The following BFSP2 variants were observed in gnomAD, a reference collection of about 807,000 sequenced individuals.
BFSP2 encodes the protein beaded filament structural protein 2.
In BFSP2, 38 loss-of-function variants were observed where a neutral mutation model predicts 44.9. The observed-to-expected ratio is 0.85, with a 90% CI of 0.65 to 1.11. The LOEUF is 1.11. BFSP2 is among the 50% of genes least tolerant of loss of function. BFSP2 has a pLI of 0.00. For missense variants in BFSP2, 525 were observed against 533.0 expected, an observed-to-expected ratio of 0.99 and a Z score of 0.15; for synonymous variants, 197 against 209.9, an observed-to-expected ratio of 0.94 and a Z score of 0.53.
intron 1 of BFSP2, chr3:133,410,991 T>G (rs1389062520): frequency 6.6e-6 from 1 of 152,268 alleles, no homozygotes; most frequent in Non-Finnish European, 1.5e-5. Context: ...TGTGAGCCAC[T>G]TCCAAGTGAA....
At chr3:133,449,519 TG>T (rs1389864565) in intron 3 of BFSP2, among the ~76,000 whole-genome samples, 10 of 151,988 alleles carry the variant, frequency 6.6e-5, no homozygotes, top group African/African-American at 2.4e-4. Context: ...TTTGTTTGTT[TG>T]TTTGTTTGTT....
In BFSP2 at chr3:133,400,297, C is replaced by T. The variant is rs2073351199; in HGVS notation, c.214C>T (p.Arg72Cys). 22 of 1,613,884 alleles carry T rather than the reference C, an allele frequency of 1.4e-5. No homozygotes were observed. Among genetic ancestry groups the T allele is most frequent in the South Asian group, 2.2e-5 (2 of 91,082 alleles). ...TGGGTGCATAGGTGGCTTGGGTGCC[C>T]GTGTGACCCGCCGGGCCCTCGGCAT... ...PSGCIGGLGA[R>C]VTRRALGISS... The change falls in exon 1 of 7, where the codon CGT (arginine) becomes TGT (cysteine). Residue 72 changes from arginine (R) to cysteine (C), a missense_variant. Coordinates refer to ENST00000302334, the MANE Select transcript of BFSP2 (RefSeq NM_003571.4). The surrounding 1 kb of genome is among the most constrained non-coding windows in gnomAD (Gnocchi z 4.0).
intron 5 of BFSP2, among the ~76,000 whole-genome samples, chr3:133,467,197 C>G (rs1003343348): frequency 6.6e-6 from 1 of 152,206 alleles, no homozygotes; most frequent in African/African-American, 2.4e-5. Flanking sequence ...TAAATGTTGA[C>G]TGTTAACATC....
Position 133,400,520 on chromosome 3 carries a change from G to T in BFSP2, c.437G>T (p.Arg146Leu), listed in dbSNP as rs148759360. 245 of 1,613,640 alleles carry T rather than the reference G, an allele frequency of 1.5e-4. No individual in the cohort carries two copies. The highest frequency in any genetic ancestry group is 2.0e-4 in the Non-Finnish European group (233 of 1,179,952). Residue 146 changes from arginine (R) to leucine (L), a missense_variant, in exon 1 of 7, where the codon CGC (arginine) becomes CTC (leucine). Physicochemically the swap from Arg to Leu is moderately radical, Grantham distance 102 (BLOSUM62 -2). Transcript: ENST00000302334. This position sits in a 1 kb window ranked among gnomAD's most constrained non-coding sequence, Gnocchi z 4.0. ...ATGCACCTGGAGAGCAAAGCCACAC[G>T]CTCGGGAAACTGGGGTGCCCTACGG... ...LRMHLESKAT[R>L]SGNWGALRAS...
Position 133,451,110 on chromosome 3 carries a change from C to CAAA in BFSP2, c.891+663_891+665dup, listed in dbSNP as rs55964213. ...TGGGCAACAGAGCAAGACTCTGTCTCAAAAAAAAAAAAAAAAAAAGAATAT... is the reference window on the plus strand; with the variant it reads ...TGGGCAACAGAGCAAGACTCTGTCTCAAAAAAAAAAAAAAAAAAAAAAGAATAT... On this transcript the variant is annotated intron_variant, in intron 4 of 6. Transcript: ENST00000302334. Among the ~76,000 whole-genome samples, 412 of 94,884 alleles carry CAAA rather than the reference C, an allele frequency of 4.3e-3. 7 individuals are homozygous for CAAA. The highest frequency in any genetic ancestry group is 5.4e-3 in the Non-Finnish European group (279 of 51,272). 62.2% of individuals were successfully genotyped at this position (94,884 alleles called of 152,430 possible).
intron 1 of BFSP2, among the ~76,000 whole-genome samples, chr3:133,441,256 G>C (rs2073842717): frequency 6.6e-6 from 1 of 152,012 alleles, no homozygotes; most frequent in South Asian, 2.1e-4. Context: ...GGCTGGTCTC[G>C]AACTCCTGAC....
chr3:133,437,736 T>C (rs540491205), intron 1 of BFSP2, among the ~76,000 whole-genome samples: 2 of 152,078 alleles, frequency 1.3e-5, no homozygotes, highest in African/African-American at 2.4e-5. Context: ...ATGGGGGTAA[T>C]GGAAGATGGC....
chr3:133,413,127 T>G (rs2073472550), intron 1 of BFSP2, among the ~76,000 whole-genome samples: 1 of 152,146 alleles, frequency 6.6e-6, no homozygotes, highest in South Asian at 2.1e-4. Flanking sequence ...AGGCTTACTT[T>G]GGGGTATATA....
intron 4 of BFSP2, among the ~76,000 whole-genome samples, chr3:133,456,336 A>G (rs918844722): frequency 1.3e-5 from 2 of 152,246 alleles, no homozygotes; most frequent in Non-Finnish European, 2.9e-5. Flanking sequence ...GGTTGTTGAT[A>G]GTCTTAAGGC....
intron 4 of BFSP2, among the ~76,000 whole-genome samples, chr3:133,459,260 C>T (rs781010549): frequency 6.6e-6 from 1 of 152,034 alleles, no homozygotes; most frequent in Non-Finnish European, 1.5e-5. Context: ...AGGAGAACTG[C>T]TCGAACTCAG....
intron 1 of BFSP2, among the ~76,000 whole-genome samples, chr3:133,442,666 A>G (rs893311666): frequency 5.3e-5 from 8 of 152,100 alleles, no homozygotes; most frequent in Non-Finnish European, 1.2e-4. Flanking sequence ...GTAGAGAGAA[A>G]TAAATGGATT....
chr3:133,446,214 A>G (rs1197910601), intron 1 of BFSP2, among the ~76,000 whole-genome samples: 1 of 152,088 alleles, frequency 6.6e-6, no homozygotes, highest in Non-Finnish European at 1.5e-5. Context: ...TGAGGTCAGG[A>G]GTTCGAGACC....
chr3:133,474,842 C>T, intron 6 of BFSP2, 127 bp from the exon 7 acceptor site: 2 of 1,315,038 alleles, frequency 1.5e-6, no homozygotes, highest in South Asian at 1.2e-5. Context: ...TTATTTAAAA[C>T]CCAAAACTAT....
At chr3:133,457,269 C>G (rs981059655) in intron 4 of BFSP2, among the ~76,000 whole-genome samples, 1 of 152,218 alleles carries the variant, frequency 6.6e-6, no homozygotes. Context: ...AAACACTGAA[C>G]GGGGATCCCG....
chr3:133,446,570 TTATATATATATATATATATA>T (rs1168844039), intron 1 of BFSP2, among the ~76,000 whole-genome samples: 22 of 22,384 alleles, frequency 9.8e-4, no homozygotes, highest in South Asian at 8.1e-3. Context: ...AGCTCACCAT[TTATATATATATATATATATA>T]TATATATATA....
intron 4 of BFSP2, among the ~76,000 whole-genome samples, chr3:133,453,263 C>A (rs925324588): frequency 6.6e-6 from 1 of 152,162 alleles, no homozygotes; most frequent in Non-Finnish European, 1.5e-5. Flanking sequence ...GGTTTCTTGG[C>A]GGCATAGCAT....
Position 133,400,283 on chromosome 3 carries a change from G to T in BFSP2, c.200G>T (p.Gly67Val). 6.2e-7 allele frequency: 1 copy of T among 1,614,054 alleles called. No homozygotes were observed. The highest frequency in any genetic ancestry group is 8.5e-7 in the Non-Finnish European group (1 of 1,180,030). The change falls in exon 1 of 7, where the codon GGT becomes GTT. Residue 67 changes from glycine to valine, a missense_variant. Coordinates refer to ENST00000302334, the MANE Select transcript of BFSP2 (RefSeq NM_003571.4). This position sits in a 1 kb window ranked among gnomAD's most constrained non-coding sequence, Gnocchi z 4.0. ...GGAACAGCACCCAGTGGGTGCATAG[G>T]TGGCTTGGGTGCCCGTGTGACCCGC... ...YVGTAPSGCIGGLGARVTRRA... is the reference protein window; with the variant it reads ...YVGTAPSGCIVGLGARVTRRA...
At chr3:133,433,306 A>G (rs1222369831) in intron 1 of BFSP2, among the ~76,000 whole-genome samples, 1 of 152,186 alleles carries the variant, frequency 6.6e-6, no homozygotes, top group East Asian at 1.9e-4. Flanking sequence ...ACACACCAGC[A>G]AAGGCAGGCT....
chr3:133,471,817 G>A (rs2074164293), intron 5 of BFSP2, among the ~76,000 whole-genome samples: 1 of 152,140 alleles, frequency 6.6e-6, no homozygotes, highest in East Asian at 1.9e-4. Flanking sequence ...GTATATAAAG[G>A]CCAGAGACAT....
Sources: gnomAD v4.1 joint callset for allele counts (sites outside exome capture counted in the v4.1 genomes callset) on GRCh38, gnomAD v4.1.1 for gene constraint, Gnocchi (gnomAD v3.1) non-coding constraint, MANE v1.5 for transcripts, NCBI Gene and HGNC (gene_info 2026-07-23, HGNC 2026-07-21) for gene names.